Variants in NELL2 observed in about 807,000 individuals in gnomAD.
The protein encoded by NELL2 is neural EGFL like 2.
NELL2 carries 41 observed loss-of-function variants against 109.6 expected under a neutral mutation model. The observed-to-expected ratio is 0.37, with a 90% CI of 0.29 to 0.49. The LOEUF (loss-of-function observed/expected upper bound fraction) is 0.49. NELL2 is among the 20% of genes least tolerant of loss of function. NELL2 has a pLI of 0.98. For missense variants in NELL2, 900 were observed against 1,008.3 expected (o/e 0.89, Z 1.45); for synonymous variants, 355 against 344.7 (o/e 1.03, Z -0.33).
intron 15 of NELL2, among the ~76,000 whole-genome samples, chr12:44,578,761 C>T (rs1944208132): frequency 6.6e-6 from 1 of 151,824 alleles, no homozygotes; most frequent in South Asian, 2.1e-4. Flanking sequence ...CAAAATGGTG[C>T]ATATAGGTTT....
intron 2 of NELL2, among the ~76,000 whole-genome samples, chr12:44,816,878 G>C (rs961227494): frequency 6.6e-6 from 1 of 152,120 alleles, no homozygotes; most frequent in African/African-American, 2.4e-5. Context: ...GATTATATGG[G>C]GAAACAGATA....
At chr12:44,570,909 T>C (rs1183076010) in intron 15 of NELL2, among the ~76,000 whole-genome samples, 1 of 150,830 alleles carries the variant, frequency 6.6e-6, no homozygotes, top group African/African-American at 2.5e-5. Context: ...TGTTGTATGG[T>C]ACTGCTTTCT....
rs149031609 is a variant in NELL2 at position 44,778,433 on chromosome 12, C to T, written c.607-1119G>A. Among the ~76,000 whole-genome samples the T allele has an allele frequency of 1.8e-4, 28 of 152,142 alleles. 2 individuals carry two copies. The East Asian group carries it at 5.2e-3, about 28-fold the overall frequency. ...AACATAAAAACAAGGCTATCGTGTA[C>T]GGTTATATAGTTTATGCACTGTACA... On this transcript the variant is annotated intron_variant, in intron 5 of 19. Coordinates refer to ENST00000429094, the MANE Select transcript of NELL2 (RefSeq NM_001145108.2).
chr12:44,587,316 T>A lies in NELL2; in HGVS notation c.1663+19853A>T, dbSNP rs1166534805. 9.6e-5 allele frequency among the ~76,000 whole-genome samples: 13 copies of A among 135,930 alleles called. 1 individual carries two copies. Among genetic ancestry groups the A allele is most frequent in the Middle Eastern group, 3.7e-3 (1 of 270 alleles). The allele number at this position is 135,930 out of a possible 152,430, so 89.2% of individuals were successfully genotyped here. On this transcript the variant is annotated intron_variant, in intron 15 of 19. Coordinates refer to ENST00000429094, the MANE Select transcript of NELL2 (RefSeq NM_001145108.2). Reference sequence around the variant, plus strand: ...ATATATATATATATATATTTTTTTTTAAATATGAAGTTATATACACATTTG... The same window carrying A: ...ATATATATATATATATATTTTTTTTAAAATATGAAGTTATATACACATTTG...
chr12:44,808,488 T>C (rs1353888152), intron 3 of NELL2, among the ~76,000 whole-genome samples: 3 of 151,978 alleles, frequency 2.0e-5, no homozygotes, highest in Non-Finnish European at 4.4e-5. Flanking sequence ...AGATAAATAA[T>C]GATATAGAAA....
At chr12:44,679,433 C>A (rs1387144983) in intron 12 of NELL2, among the ~76,000 whole-genome samples, 1 of 152,096 alleles carries the variant, frequency 6.6e-6, no homozygotes, top group Non-Finnish European at 1.5e-5. Flanking sequence ...GGACTCAAAG[C>A]ATGAACACAC....
At chr12:44,744,150 TCAAAA>T (rs773855845) in intron 9 of NELL2, among the ~76,000 whole-genome samples, 19 of 152,012 alleles carry the variant, frequency 1.2e-4, no homozygotes, top group Admixed American at 3.3e-4. Context: ...AGAAACTCAC[TCAAAA>T]CCGCTCAACT....
intron 13 of NELL2, among the ~76,000 whole-genome samples, chr12:44,616,676 C>T (rs969231837): frequency 2.0e-5 from 3 of 152,154 alleles, no homozygotes; most frequent in Admixed American, 2.0e-4. Context: ...TCTAATATTT[C>T]TGTAGACTAG....
At chr12:44,915,818 C>T (rs1945824640), upstream of NELL2, among the ~76,000 whole-genome samples, 1 of 152,044 alleles carries the variant, frequency 6.6e-6, no homozygotes, top group Non-Finnish European at 1.5e-5. Flanking sequence ...GTAAAATAAC[C>T]ACCACTATTG....
At chr12:44,885,432 G>A in intron 1 of NELL2, among the ~76,000 whole-genome samples, 1 of 151,956 alleles carries the variant, frequency 6.6e-6, no homozygotes, top group East Asian at 1.9e-4. Flanking sequence ...TAAGTGGGTT[G>A]GCAAGGTTGC....
At chr12:44,833,240 T>C (rs1245836726) in intron 2 of NELL2, among the ~76,000 whole-genome samples, 1 of 152,236 alleles carries the variant, frequency 6.6e-6, no homozygotes, top group African/African-American at 2.4e-5. Flanking sequence ...TTCTTCACTA[T>C]ATTTTATGCT....
At chr12:44,810,432 GCT>G (rs781172688) in intron 3 of NELL2, among the ~76,000 whole-genome samples, 2 of 152,044 alleles carry the variant, frequency 1.3e-5, no homozygotes, top group Non-Finnish European at 2.9e-5. Context: ...TTAATAATTG[GCT>G]CTCTGTTCTC....
Position 44,744,854 on chromosome 12 carries a change from A to C in NELL2, c.994+29893T>G, listed in dbSNP as rs570894306. Among the ~76,000 whole-genome samples the C allele has an allele frequency of 2.0e-3, 307 of 152,324 alleles. 2 individuals are homozygous for C. Among genetic ancestry groups the C allele is most frequent in the African/African-American group, 5.7e-3 (239 of 41,568 alleles). On this transcript the variant is annotated intron_variant, in intron 9 of 19. Coordinates refer to ENST00000429094, the MANE Select transcript of NELL2 (RefSeq NM_001145108.2). ...CAAGTCCAGGACCAGATGGATTCAC[A>C]GCTGAATTCTACCAGAGATACAAAG...
At chr12:44,700,353 C>A (rs558093681) in intron 12 of NELL2, among the ~76,000 whole-genome samples, 1 of 152,258 alleles carries the variant, frequency 6.6e-6, no homozygotes, top group African/African-American at 2.4e-5. Context: ...CAAGTGTGAT[C>A]ACGAAACTTC....
intron 15 of NELL2, among the ~76,000 whole-genome samples, chr12:44,541,093 GA>G (rs971400997): frequency 1.3e-5 from 2 of 150,696 alleles, no homozygotes; most frequent in African/African-American, 4.9e-5. Context: ...AAAAAAAGTA[GA>G]AAAAAAATTA....
rs1346894582 is a variant in NELL2, at chr12:44,522,219, T to C, written c.1999-43A>G. On this transcript the variant is annotated intron_variant, in intron 17 of 19. Coordinates refer to ENST00000429094, the MANE Select transcript of NELL2 (RefSeq NM_001145108.2). ...AAAGCAGTTACCAAAAACCTCCATT[T>C]CTCAGTAACACGCACACACACACAC... is the stretch of plus-strand genomic sequence containing the variant. 2.5e-6 allele frequency: 4 copies of C among 1,581,646 alleles called. No homozygotes were observed. The African/African-American group carries it at 5.4e-5, about 21-fold the overall frequency.
chr12:44,703,652 G>T (rs1937682252), intron 12 of NELL2, 74 bp downstream of exon 12: 1 of 1,523,956 alleles, frequency 6.6e-7, no homozygotes, highest in Non-Finnish European at 9.0e-7. Context: ...GACAACCTGG[G>T]AACTTAATAA....
rs1189229866 is a variant in NELL2, at chr12:44,617,830, G to C, written c.1445-6860C>G. Among the ~76,000 whole-genome samples, 5 of 151,274 alleles carry C rather than the reference G, an allele frequency of 3.3e-5. No individual in the cohort carries two copies. The East Asian group carries it at 9.8e-4, about 30-fold the overall frequency. On this transcript the variant is annotated intron_variant, in intron 13 of 19. Coordinates refer to ENST00000429094, the MANE Select transcript of NELL2 (RefSeq NM_001145108.2). ...CTACTTCAGTGGGACAATTTCTTTT[G>C]CTTTTGCTAGATAGATGTCTTCTCT...
intron 9 of NELL2, among the ~76,000 whole-genome samples, chr12:44,746,113 G>A (rs1940333698): frequency 6.6e-6 from 1 of 152,080 alleles, no homozygotes; most frequent in African/African-American, 2.4e-5. Context: ...TAGACCAATG[G>A]AACAGAACAG....
Sources: gnomAD v4.1 joint callset for allele counts (sites outside exome capture counted in the v4.1 genomes callset) on GRCh38, gnomAD v4.1.1 for gene constraint, MANE v1.5 for transcripts, NCBI Gene and HGNC (gene_info 2026-07-23, HGNC 2026-07-21) for gene names.